HEXD: variants seen among roughly 807,000 people sequenced by gnomAD.
The protein encoded by HEXD is N-acetyl-beta-galactosaminidase.
Under a neutral mutation model 54.2 loss-of-function variants are expected in HEXD, and 47 were observed. The observed-to-expected ratio is 0.87, with a 90% CI of 0.69 to 1.11. The LOEUF is 1.11. Among genes scored for constraint, HEXD ranks in the 50% least tolerant of loss-of-function variants. The pLI, the probability that HEXD is intolerant of heterozygous loss-of-function variation, is 0.00. For missense variants in HEXD, 576 were observed against 649.2 expected (o/e 0.89, Z 1.23); for synonymous variants, 293 against 287.6 (o/e 1.02, Z -0.19).
At position 82,419,873 on chromosome 17, in the gene HEXD, A is replaced by T; in HGVS notation, c.74A>T (p.Tyr25Phe). Reference protein sequence around the residue: ...DLKGAPPKVSYLSEIFPLFRA... With the variant: ...DLKGAPPKVSFLSEIFPLFRA... ...AAAGGAGCTCCACCAAAGGTCTCGTACCTCTCAGAGGTAAGGACTCCCTTT... is the reference window on the plus strand; with the variant it reads ...AAAGGAGCTCCACCAAAGGTCTCGTTCCTCTCAGAGGTAAGGACTCCCTTT... The change falls in exon 2 of 13, where the codon TAC (tyrosine) becomes TTC (phenylalanine). Residue 25 changes from tyrosine to phenylalanine, a missense_variant. Transcript: ENST00000327949. 6.2e-7 allele frequency: 1 copy of T among 1,606,058 alleles called. No homozygotes were observed.
chr17:82,440,699 T>C (rs1246498781), intron 9 of HEXD: 1 of 462,350 alleles, frequency 2.2e-6, no homozygotes, highest in Non-Finnish European at 3.9e-6. Context: ...CCTGTGTGGG[T>C]CGGGCTGCGC....
chr17:82,441,586 G>A (rs574157472), intron 11 of HEXD, among the ~76,000 whole-genome samples: 64 of 151,852 alleles, frequency 4.2e-4, no homozygotes, highest in African/African-American at 1.4e-3. Flanking sequence ...GTGTGGGTGA[G>A]GGGGGTAGGG....
chr17:82,439,862 ACC>A (rs1463609117), intron 9 of HEXD, 149 bp downstream of exon 9: 2 of 1,541,492 alleles, frequency 1.3e-6, no homozygotes, highest in Non-Finnish European at 1.7e-6. Flanking sequence ...CAGCTCAGCC[ACC>A]CACCTGCCCT....
At chr17:82,423,769 C>T (rs1419301504) in intron 2 of HEXD, among the ~76,000 whole-genome samples, 1 of 148,298 alleles carries the variant, frequency 6.7e-6, no homozygotes, top group Non-Finnish European at 1.5e-5. Flanking sequence ...GCCAAGATCA[C>T]GCCACTCCAC....
intron 2 of HEXD, among the ~76,000 whole-genome samples, chr17:82,423,065 AAAAG>A (rs894244194): frequency 1.2e-4 from 19 of 152,224 alleles, no homozygotes; most frequent in Non-Finnish European, 4.4e-5. Flanking sequence ...CTCAAAAAAA[AAAAG>A]AAAGGAAAGG....
chr17:82,442,288 G>A lies in HEXD; in HGVS notation c.1365G>A (p.Leu455=), dbSNP rs140743740. ...TGGAGGAAAACGTGCACCCCAGCCT[G>A]CAGCGGCTGCAAGCTCTGCTGCAGG... ...EWLEENVHPS[L]QRLQALLQDL... The change falls in exon 13 of 13, where the codon CTG becomes CTA. Residue 455 remains leucine (L), a synonymous_variant. Coordinates refer to ENST00000327949, the MANE Select transcript of HEXD (RefSeq NM_001330542.2). This position sits in a 1 kb window ranked among gnomAD's most constrained non-coding sequence, Gnocchi z 6.8. 1,477 of 1,608,140 alleles carry A rather than the reference G, an allele frequency of 9.2e-4. 6 individuals carry two copies. The African/African-American group carries it at 0.013, about 15-fold the overall frequency.
chr17:82,433,524 T>A (rs1350480379), intron 4 of HEXD, 134 bp from the exon 5 acceptor site: 2 of 813,744 alleles, frequency 2.5e-6, no homozygotes, highest in Non-Finnish European at 3.7e-6. Context: ...GTGCTGGGAT[T>A]ACAGGACTGA....
At chr17:82,439,260 G>T (rs941265119) in intron 8 of HEXD, among the ~76,000 whole-genome samples, 4 of 152,296 alleles carry the variant, frequency 2.6e-5, no homozygotes, top group Non-Finnish European at 4.4e-5. Flanking sequence ...GGCCCTAGGA[G>T]GGGGGCGTCA....
At position 82,435,731 on chromosome 17, in the gene HEXD, C is replaced by G; in HGVS notation, c.490C>G (p.Gln164Glu). The change falls in exon 6 of 13, where the codon CAG becomes GAG. Residue 164 changes from glutamine to glutamate, a missense_variant. Coordinates refer to ENST00000327949, the MANE Select transcript of HEXD (RefSeq NM_001330542.2). ...GGGGGAGGCCTCGCGCCGGTGGCTA[C>G]AGCAAGAGCAGAACAGCACGGGGAA... is the stretch of plus-strand genomic sequence containing the variant. ...GEGEASRRWL[Q>E]QEQNSTGKLC... 1 of 1,612,906 alleles carries G rather than the reference C, an allele frequency of 6.2e-7. No homozygotes were observed. Among genetic ancestry groups the G allele is most frequent in the Non-Finnish European group, 8.5e-7 (1 of 1,179,790 alleles).
Position 82,424,523 on chromosome 17 carries a change from G to T in HEXD, c.194+20G>T. 1.9e-6 allele frequency: 3 copies of T among 1,557,534 alleles called. No homozygotes were observed. The highest frequency in any genetic ancestry group is 2.7e-6 in the Non-Finnish European group (3 of 1,129,478). ...CTACAGGTAACACTGCCCGTGGCAGGTACAGGGGCGCGGCGTGAAAGCGGG... is the reference window on the plus strand; with the variant it reads ...CTACAGGTAACACTGCCCGTGGCAGTTACAGGGGCGCGGCGTGAAAGCGGG... On this transcript the variant is annotated intron_variant, in intron 3 of 12. Transcript: ENST00000327949.
At chr17:82,439,277 GC>G (rs1050827627) in intron 8 of HEXD, among the ~76,000 whole-genome samples, 4 of 152,182 alleles carry the variant, frequency 2.6e-5, no homozygotes, top group African/African-American at 9.6e-5. Context: ...GTCAAGGGCA[GC>G]CCCCAGAAGC....
chr17:82,430,638 G>A (rs554030988), intron 4 of HEXD, among the ~76,000 whole-genome samples: 21 of 152,266 alleles, frequency 1.4e-4, no homozygotes, highest in Admixed American at 1.2e-3. Flanking sequence ...ATCCGCCTGC[G>A]TCGGCCTCTC....
Position 82,436,672 on chromosome 17 carries a change from G to C in HEXD, c.637G>C (p.Gly213Arg), listed in dbSNP as rs779704451. 2 of 1,610,310 alleles carry C rather than the reference G, an allele frequency of 1.2e-6. No homozygotes were observed. The highest frequency in any genetic ancestry group is 2.2e-5 in the South Asian group (2 of 90,550). ...DLPEDQLAAS[G>R]VPQLVEPVLW... is the part of the protein sequence containing the mutation. ...CACGTCCGCTCTGTCTGCAGCGTCC[G>C]GGGTGCCGCAGCTGGTGGAGCCGGT... is the stretch of plus-strand genomic sequence containing the variant. The change falls in exon 7 of 13, where the codon GGG becomes CGG. Residue 213 changes from glycine (G) to arginine (R), a missense_variant. Transcript: ENST00000327949.
intron 8 of HEXD, among the ~76,000 whole-genome samples, chr17:82,438,008 G>A (rs1013253002): frequency 2.0e-5 from 3 of 152,104 alleles, no homozygotes; most frequent in Admixed American, 6.6e-5. Flanking sequence ...AGGCTGAGAC[G>A]GGTGGATCAC....
rs545245748 is a variant in HEXD at position 82,432,820 on chromosome 17, T to C, written c.283-838T>C. ...GGCTCACGCCTGTAATCCCAGCACTTTGGGAGGCCAAGGCGGGCAGATCAC... is the reference window on the plus strand; with the variant it reads ...GGCTCACGCCTGTAATCCCAGCACTCTGGGAGGCCAAGGCGGGCAGATCAC... On this transcript the variant is annotated intron_variant, in intron 4 of 12. Transcript: ENST00000327949. Among the ~76,000 whole-genome samples, 3 of 151,708 alleles carry C rather than the reference T, an allele frequency of 2.0e-5. No individual in the cohort carries two copies. The South Asian group carries it at 6.3e-4, about 32-fold the overall frequency.
At chr17:82,423,742 G>A (rs2053307659) in intron 2 of HEXD, 1 of 151,696 alleles carries the variant, frequency 6.6e-6, no homozygotes, top group East Asian at 1.9e-4. Flanking sequence ...GAACCCGGGA[G>A]GCAGAGGTTG....
chr17:82,442,429 C>T lies in HEXD; in HGVS notation c.*45C>T, dbSNP rs1366407268. On this transcript the variant is annotated 3_prime_UTR_variant, in exon 13 of 13. Coordinates refer to ENST00000327949, the MANE Select transcript of HEXD (RefSeq NM_001330542.2). The surrounding 1 kb of genome is among the most constrained non-coding windows in gnomAD (Gnocchi z 6.8). ...GGGCTCCTGCTGGAGGCTGGGGGGG[C>T]TCTGCACTGCCAAATGGCCTGGGCA... 6.2e-7 allele frequency: 1 copy of T among 1,610,282 alleles called. No individual in the cohort carries two copies. Among genetic ancestry groups the T allele is most frequent in the Admixed American group, 1.7e-5 (1 of 59,976 alleles).
chr17:82,431,053 C>T (rs185158314), intron 4 of HEXD, among the ~76,000 whole-genome samples: 22 of 152,180 alleles, frequency 1.4e-4, no homozygotes, highest in South Asian at 2.1e-4. Flanking sequence ...GGCTGGAGCG[C>T]GTGGTACAAT....
At chr17:82,435,975 CCAGCCCCGCA>C in intron 6 of HEXD, 103 bp downstream of exon 6, 1 of 1,191,300 alleles carries the variant, frequency 8.4e-7, no homozygotes, top group Admixed American at 2.2e-5. Flanking sequence ...AGGGTGAGCC[CCAGCCCCGCA>C]CAGACCCGCC....
Sources: gnomAD v4.1 joint callset for allele counts (sites outside exome capture counted in the v4.1 genomes callset) on GRCh38, gnomAD v4.1.1 for gene constraint, Gnocchi (gnomAD v3.1) non-coding constraint, MANE v1.5 for transcripts, NCBI Gene and HGNC (gene_info 2026-07-23, HGNC 2026-07-21) for gene names.